The following FMN1 variants were observed in gnomAD, a reference collection of about 807,000 sequenced individuals.
The protein encoded by FMN1 is formin 1, also known as formin-1.
FMN1 carries 110 observed loss-of-function variants against 132.4 expected under a neutral mutation model. The observed-to-expected ratio is 0.83, with a 90% confidence interval of 0.71 to 0.97. The LOEUF (loss-of-function observed/expected upper bound fraction) is 0.97. Among genes scored for constraint, FMN1 ranks in the 50% least tolerant of loss-of-function variants. The pLI is 0.00. For synonymous variants in FMN1, 722 were observed against 651.7 expected, an observed-to-expected ratio of 1.11 and a Z score of -1.64; for missense variants, 1,792 against 1,705.3, an observed-to-expected ratio of 1.05 and a Z score of -0.90.
At chr15:33,126,507 C>T (rs748307393) in intron 4 of FMN1, among the ~76,000 whole-genome samples, 5 of 152,164 alleles carry the variant, frequency 3.3e-5, no homozygotes, top group Non-Finnish European at 7.4e-5. Context: ...ACATCTACTC[C>T]TCTTATTCGC....
At chr15:33,127,223 T>C (rs1477722177) in intron 4 of FMN1, among the ~76,000 whole-genome samples, 6 of 151,996 alleles carry the variant, frequency 3.9e-5, no homozygotes, top group East Asian at 1.9e-4. Context: ...TCAAGAAAAA[T>C]CAACTGGTCG....
At chr15:32,888,343 C>A in intron 15 of FMN1, 51 bp from the exon 16 acceptor site, 4 of 1,481,588 alleles carry the variant, frequency 2.7e-6, no homozygotes, top group South Asian at 2.8e-5. Flanking sequence ...TTGTCACTTT[C>A]AGTTGAAATT....
At chr15:32,841,621 T>G (rs1299968199) in intron 17 of FMN1, among the ~76,000 whole-genome samples, 1 of 152,208 alleles carries the variant, frequency 6.6e-6, no homozygotes, top group African/African-American at 2.4e-5. Flanking sequence ...GTGATGGTTC[T>G]TGTGTGTTTC....
rs150543531 is a variant in FMN1, at chr15:33,015,227, C to G, written c.2162-7152G>C. Among the ~76,000 whole-genome samples, 321 of 152,322 alleles carry G rather than the reference C, an allele frequency of 2.1e-3. 4 individuals are homozygous for G. Among genetic ancestry groups the G allele is most frequent in the African/African-American group, 7.4e-3 (307 of 41,574 alleles). ...AAACAAAACCCCAAGCCTCTGTAAACTTCAAAGTTGCTTGCTTTATCCTAT... is the reference window on the plus strand; with the variant it reads ...AAACAAAACCCCAAGCCTCTGTAAAGTTCAAAGTTGCTTGCTTTATCCTAT... On this transcript the variant is annotated intron_variant, in intron 6 of 20. Transcript: ENST00000616417.
At chr15:32,952,266 T>C (rs2061670699) in intron 9 of FMN1, among the ~76,000 whole-genome samples, 1 of 152,248 alleles carries the variant, frequency 6.6e-6, no homozygotes, top group South Asian at 2.1e-4. Context: ...GGCGTTTTAC[T>C]GCTACATTCT....
chr15:33,018,670 A>G (rs2035221855), intron 6 of FMN1, among the ~76,000 whole-genome samples: 1 of 152,140 alleles, frequency 6.6e-6, no homozygotes, highest in African/African-American at 2.4e-5. Context: ...TCTTGGTCTC[A>G]CTGACTTCAA....
chr15:33,073,892 G>A (rs986008659), intron 5 of FMN1, among the ~76,000 whole-genome samples: 4 of 152,126 alleles, frequency 2.6e-5, no homozygotes, highest in Admixed American at 2.0e-4. Context: ...CACCACGACC[G>A]ACTAATTTTT....
intron 6 of FMN1, chr15:33,012,760 T>C (rs1388117816): frequency 1.2e-5 from 9 of 726,742 alleles, no homozygotes; most frequent in Admixed American, 8.8e-5. Flanking sequence ...GAACGACATC[T>C]TTGGTTATGG....
Position 33,153,845 on chromosome 15 carries a change from C to A in FMN1, c.1070G>T (p.Arg357Leu), listed in dbSNP as rs769832258. The change falls in exon 4 of 21, where the codon CGC (arginine) becomes CTC (leucine). Residue 357 changes from arginine (R) to leucine (L), a missense_variant. Physicochemically the swap from Arg to Leu is moderately radical, Grantham distance 102. This residue lies in a region of FMN1 where 638 missense variants were observed against 645.2 expected (regional missense o/e 0.99). Coordinates refer to ENST00000616417, the MANE Select transcript of FMN1 (RefSeq NM_001277313.2). ...HSKGKETIAI[R>L]PAAHAEFVPK... The stretch of plus-strand genomic sequence containing the variant: ...TACAAACTCAGCGTGGGCTGCTGGG[C>A]GAATGGCAATCGTCTCCTTACCCTT... 14 of 1,536,582 alleles carry A rather than the reference C, an allele frequency of 9.1e-6. No individual in the cohort carries two copies. The highest frequency in any genetic ancestry group is 1.1e-5 in the Non-Finnish European group (13 of 1,147,020).
At chr15:32,959,608 C>A (rs2030272648) in intron 9 of FMN1, among the ~76,000 whole-genome samples, 1 of 152,168 alleles carries the variant, frequency 6.6e-6, no homozygotes, top group East Asian at 1.9e-4. Context: ...GCAATGGCAA[C>A]CACCCTGTTC....
intron 4 of FMN1, among the ~76,000 whole-genome samples, chr15:33,145,472 C>T (rs1251009734): frequency 2.0e-5 from 3 of 151,808 alleles, no homozygotes; most frequent in Non-Finnish European, 4.4e-5. Context: ...AGTAACATTA[C>T]TCTTTAAATT....
At chr15:33,072,311 A>T (rs1284848922) in intron 5 of FMN1, among the ~76,000 whole-genome samples, 1 of 152,194 alleles carries the variant, frequency 6.6e-6, no homozygotes, top group East Asian at 1.9e-4. Context: ...TGACTTTTCA[A>T]CTTTTCCTGT....
At chr15:33,075,605 T>TTGCC (rs1331388577) in intron 5 of FMN1, among the ~76,000 whole-genome samples, 4 of 152,164 alleles carry the variant, frequency 2.6e-5, no homozygotes, top group African/African-American at 9.7e-5. Context: ...GTGACAAAGT[T>TTGCC]TGCCCTGTTC....
At chr15:32,879,171 A>T (rs544432) in intron 16 of FMN1, among the ~76,000 whole-genome samples, 8,150 of 152,284 alleles carry the variant, frequency 0.054, 705 homozygotes, top group African/African-American at 0.18. Flanking sequence ...CTTTTCTGAA[A>T]TACTTATCCC....
intron 7 of FMN1, among the ~76,000 whole-genome samples, chr15:32,991,150 T>C (rs181829312): frequency 1.3e-5 from 2 of 152,104 alleles, no homozygotes; most frequent in Non-Finnish European, 2.9e-5. Context: ...AATAAAGGCA[T>C]TTATAGCCCA....
chr15:32,920,388 T>C (rs1052938332), intron 10 of FMN1, among the ~76,000 whole-genome samples: 1 of 152,194 alleles, frequency 6.6e-6, no homozygotes, highest in African/African-American at 2.4e-5. Context: ...GTCACCCTCC[T>C]GAAACCATTC....
At chr15:33,177,573 C>T (rs943751072) in intron 3 of FMN1, among the ~76,000 whole-genome samples, 4 of 152,180 alleles carry the variant, frequency 2.6e-5, no homozygotes, top group African/African-American at 9.7e-5. Context: ...GAAATGAAAC[C>T]CACTCACCAA....
chr15:32,868,420 G>A (rs376367451), intron 16 of FMN1, among the ~76,000 whole-genome samples: 9 of 152,216 alleles, frequency 5.9e-5, no homozygotes, highest in South Asian at 4.2e-4. Flanking sequence ...TAGCGTAGAC[G>A]CCATAGGCTA....
chr15:33,077,459 T>C (rs965628812), intron 5 of FMN1, among the ~76,000 whole-genome samples: 4 of 151,546 alleles, frequency 2.6e-5, no homozygotes, highest in Non-Finnish European at 5.9e-5. Flanking sequence ...TGGTGTGCTG[T>C]ACCCAATAAC....
Sources: allele counts gnomAD v4.1 joint callset (sites outside exome capture counted in the v4.1 genomes callset), GRCh38; gene constraint gnomAD v4.1.1; regional missense constraint gnomAD v4.1.1; transcripts MANE v1.5; gene names NCBI Gene and HGNC (gene_info 2026-07-23, HGNC 2026-07-21).